Variants in MEF2A observed in about 807,000 individuals in gnomAD.
The protein encoded by MEF2A is myocyte enhancer factor 2A.
In MEF2A, 28 loss-of-function variants were observed where a neutral mutation model predicts 55.8. The ratio of observed to expected loss-of-function variants is 0.50; its 90% CI spans 0.37 to 0.69. The LOEUF (loss-of-function observed/expected upper bound fraction) is 0.69, where lower values mean the gene tolerates loss of function less well. MEF2A is among the 30% of genes least tolerant of loss of function. MEF2A has a pLI of 0.00. For synonymous variants in MEF2A, 239 were observed against 227.1 expected (o/e 1.05, Z -0.47); for missense variants, 528 against 626.2 (o/e 0.84, Z 1.67).
At chr15:99,665,988 G>A (rs2049600988) in intron 4 of MEF2A, among the ~76,000 whole-genome samples, 1 of 152,178 alleles carries the variant, frequency 6.6e-6, no homozygotes, top group Admixed American at 6.5e-5. Context: ...TACTGCTGGT[G>A]GGAGTGTAAA....
chr15:99,614,388 C>A (rs925585848), intron 2 of MEF2A, among the ~76,000 whole-genome samples: 4 of 152,098 alleles, frequency 2.6e-5, no homozygotes, highest in African/African-American at 9.7e-5. Flanking sequence ...CGCGCCAAGC[C>A]CAACAATAAC....
intron 7 of MEF2A, among the ~76,000 whole-genome samples, chr15:99,688,847 G>C (rs577804070): frequency 6.6e-6 from 1 of 152,184 alleles, no homozygotes; most frequent in Non-Finnish European, 1.5e-5. Context: ...TGGAAGAGTT[G>C]TTTTACCCGG....
rs1447602037 is a variant in MEF2A at position 99,686,656 on chromosome 15, CCT to C, written c.671-3584_671-3583del. Among the ~76,000 whole-genome samples the C allele has an allele frequency of 9.9e-5, 15 of 152,236 alleles. No homozygotes were observed. In the South Asian group the frequency reaches 1.5e-3, roughly 15 times the overall value. On this transcript the variant is annotated intron_variant, in intron 7 of 11. Coordinates refer to ENST00000557942, the MANE Select transcript of MEF2A (RefSeq NM_001319206.4). Reference sequence around the variant, plus strand: ...TGCCTCTCAGCTCTTAAGATTCTTCCCTTTGTCTTCACTTTAGATAATCTGAT... The same window carrying C: ...TGCCTCTCAGCTCTTAAGATTCTTCCTTGTCTTCACTTTAGATAATCTGAT...
chr15:99,710,738 C>T lies in MEF2A; in HGVS notation c.1114C>T (p.Gln372Ter). The T allele has an allele frequency of 6.2e-7, 1 of 1,610,992 alleles. No homozygotes were observed. Among genetic ancestry groups the T allele is most frequent in the Non-Finnish European group, 8.5e-7 (1 of 1,177,352 alleles). ...VSAWQQHHLG[Q>*]AALSSLVAGG... ...GGCCTGGCAGCAGCACCACCTAGGA[C>T]AAGCAGCCCTCAGCTCTCTTGTGTG... The change falls in exon 11 of 12, where the codon CAA (glutamine) becomes TAA (stop). Residue 372 changes from glutamine (Q) to a stop codon, truncating the protein, a stop_gained. Transcript: ENST00000557942. LOFTEE classifies it high-confidence loss of function.
intron 10 of MEF2A, among the ~76,000 whole-genome samples, chr15:99,710,391 C>A (rs1242111025): frequency 1.3e-5 from 2 of 152,128 alleles, no homozygotes; most frequent in East Asian, 1.9e-4. Flanking sequence ...TACAGGCATG[C>A]GCCACCACGC....
intron 2 of MEF2A, among the ~76,000 whole-genome samples, chr15:99,605,839 G>A (rs1228775602): frequency 2.6e-5 from 4 of 152,060 alleles, no homozygotes; most frequent in South Asian, 2.1e-4. Context: ...GCATGGTGAC[G>A]CATGCCTGTA....
At chr15:99,710,396 C>T (rs1253587061) in intron 10 of MEF2A, among the ~76,000 whole-genome samples, 1 of 152,156 alleles carries the variant, frequency 6.6e-6, no homozygotes, top group South Asian at 2.1e-4. Flanking sequence ...GCATGCGCCA[C>T]CACGCCTGGA....
chr15:99,649,962 A>C (rs2046572380), intron 4 of MEF2A, among the ~76,000 whole-genome samples: 1 of 152,224 alleles, frequency 6.6e-6, no homozygotes, highest in African/African-American at 2.4e-5. Context: ...GTGACTTGGT[A>C]ACATTCAGAA....
intron 1 of MEF2A, among the ~76,000 whole-genome samples, chr15:99,568,957 G>A (rs1960913815): frequency 6.6e-6 from 1 of 152,204 alleles, no homozygotes; most frequent in South Asian, 2.1e-4. Flanking sequence ...AAGAAAATCT[G>A]TGGATTCTTA....
intron 4 of MEF2A, among the ~76,000 whole-genome samples, chr15:99,664,765 A>G (rs1160490078): frequency 1.3e-5 from 2 of 152,240 alleles, no homozygotes; most frequent in Non-Finnish European, 2.9e-5. Context: ...AGTTAAGTTG[A>G]AATAGAAATG....
chr15:99,654,869 G>A (rs865935900), intron 4 of MEF2A, among the ~76,000 whole-genome samples: 6 of 152,114 alleles, frequency 3.9e-5, no homozygotes. Flanking sequence ...AAAAACCTGA[G>A]TTTTTAATCT....
At chr15:99,703,899 A>T (rs1296339900) in intron 9 of MEF2A, among the ~76,000 whole-genome samples, 6 of 152,196 alleles carry the variant, frequency 3.9e-5, no homozygotes, top group Non-Finnish European at 7.3e-5. Flanking sequence ...GAATGTCTGT[A>T]ATTGAATGTG....
At chr15:99,630,961 A>G (rs969496746) in intron 2 of MEF2A, among the ~76,000 whole-genome samples, 2 of 152,180 alleles carry the variant, frequency 1.3e-5, no homozygotes, top group African/African-American at 4.8e-5. Context: ...TTTGGAATCT[A>G]CAGGCAGATG....
At chr15:99,656,960 C>T (rs1356198844) in intron 4 of MEF2A, among the ~76,000 whole-genome samples, 3 of 151,980 alleles carry the variant, frequency 2.0e-5, no homozygotes, top group South Asian at 4.1e-4. Flanking sequence ...AATCACTTAC[C>T]AACTCCTCCT....
rs751147328 is a variant in MEF2A, at chr15:99,675,470, C to T, written c.670+12C>T. The stretch of plus-strand genomic sequence containing the variant: ...AAGCAGTCCAGTGGGTGAGTGAATT[C>T]CTACTCTTCTGTTTTGTAGGTATCT... On this transcript the variant is annotated intron_variant, in intron 7 of 11. Transcript: ENST00000557942. 6.2e-7 allele frequency: 1 copy of T among 1,611,136 alleles called. No homozygotes were observed. Among genetic ancestry groups the T allele is most frequent in the Non-Finnish European group, 8.5e-7 (1 of 1,177,338 alleles).
intron 1 of MEF2A, among the ~76,000 whole-genome samples, chr15:99,578,431 C>T (rs927587415): frequency 2.6e-5 from 4 of 152,202 alleles, no homozygotes; most frequent in Non-Finnish European, 5.9e-5. Flanking sequence ...AGCTCTTCTT[C>T]ACTTTCTGGT....
chr15:99,645,832 G>T, intron 4 of MEF2A, 68 bp downstream of exon 4: 1 of 1,120,928 alleles, frequency 8.9e-7, no homozygotes, highest in Middle Eastern at 2.4e-4. Context: ...AGCATTAACT[G>T]TCAGAATGAC....
chr15:99,686,314 T>G (rs866681628), intron 7 of MEF2A, among the ~76,000 whole-genome samples: 2 of 152,186 alleles, frequency 1.3e-5, no homozygotes, highest in African/African-American at 2.4e-5. Flanking sequence ...TGCTGTTGTT[T>G]TATGGGCCCT....
chr15:99,631,478 C>T (rs1249668106), intron 2 of MEF2A, among the ~76,000 whole-genome samples: 1 of 152,022 alleles, frequency 6.6e-6, no homozygotes, highest in East Asian at 1.9e-4. Context: ...ATCTCATACT[C>T]GAGTTTGAGT....
Sources: allele counts gnomAD v4.1 joint callset (sites outside exome capture counted in the v4.1 genomes callset), GRCh38; gene constraint gnomAD v4.1.1; transcripts MANE v1.5; gene names NCBI Gene and HGNC (gene_info 2026-07-23, HGNC 2026-07-21).